NT5DC4: variants seen among roughly 807,000 people sequenced by gnomAD.
NT5DC4 encodes the protein 5'-nucleotidase domain-containing protein 4.
In NT5DC4, 44 loss-of-function variants were observed where a neutral mutation model predicts 26.6. The observed-to-expected ratio is 1.65, with a 90% CI of 1.30 to 2.13. The LOEUF is 2.13. NT5DC4 is among the 30% of genes most tolerant of loss of function. The probability of loss-of-function intolerance (pLI) is 0.00; values close to 1 mark genes in which losing one functional copy is unlikely to be tolerated. For synonymous variants in NT5DC4, 157 were observed against 86.7 expected (o/e 1.81, Z -4.51); for missense variants, 399 against 228.1 (o/e 1.75, Z -4.83).
rs759213110 is a variant in NT5DC4 at position 112,723,174 on chromosome 2, GGTGA to G, written c.621+8_621+11del. 4.2e-6 allele frequency: 3 copies of G among 717,230 alleles called. No homozygotes were observed. In the South Asian group the frequency reaches 4.4e-5, roughly 11 times the overall value. 44.4% of individuals were successfully genotyped at this position (717,230 alleles called of 1,614,324 possible). ...ATGCCATGAATAACATCCACCAGTC[GGTGA>G]GTGAGTGGTCCAGAACCCCCGGACC... is the stretch of plus-strand genomic sequence containing the variant. On this transcript the variant is annotated splice_donor_variant and splice_donor_region_variant and intron_variant, in intron 7 of 16. Transcript: ENST00000688554. LOFTEE classifies it high-confidence loss of function.
At chr2:112,719,062 G>A (rs950213674), upstream of NT5DC4, among the ~76,000 whole-genome samples, 1 of 152,228 alleles carries the variant, frequency 6.6e-6, no homozygotes, top group African/African-American at 2.4e-5. Flanking sequence ...CGTGTCATTA[G>A]TCGATTTCAC....
At chr2:112,738,385 T>C (rs989093538) in intron 16 of NT5DC4, 2 of 162,106 alleles carry the variant, frequency 1.2e-5, no homozygotes, top group Non-Finnish European at 2.7e-5. Flanking sequence ...GACTTGGCCA[T>C]CTGTCAAGGT....
intron 10 of NT5DC4, 96 bp from the exon 11 acceptor site, chr2:112,724,685 G>C: frequency 1.5e-6 from 1 of 678,652 alleles, no homozygotes; most frequent in Non-Finnish European, 2.7e-6. Flanking sequence ...CCAGCTGGGA[G>C]GTTGGTGGGG....
intron 16 of NT5DC4, chr2:112,736,520 C>T (rs1033674384): frequency 2.6e-5 from 4 of 152,180 alleles, no homozygotes; most frequent in African/African-American, 9.7e-5. Flanking sequence ...ATCCCTAATA[C>T]AATTGTATTA....
At chr2:112,726,370 C>A in intron 14 of NT5DC4, 81 bp downstream of exon 14, 1 of 710,312 alleles carries the variant, frequency 1.4e-6, no homozygotes, top group Non-Finnish European at 2.6e-6. Context: ...TGCCTGGCGG[C>A]GAGGTCCCGG....
chr2:112,722,864 G>A, intron 6 of NT5DC4, 93 bp downstream of exon 6: 1 of 321,340 alleles, frequency 3.1e-6, no homozygotes, highest in Non-Finnish European at 6.6e-6. Context: ...GGCTCCCCAA[G>A]AGGCTGGAAG....
chr2:112,723,617 G>A, intron 8 of NT5DC4, 102 bp from the exon 9 acceptor site: 1 of 684,434 alleles, frequency 1.5e-6, no homozygotes, highest in Non-Finnish European at 2.7e-6. Context: ...GTGCCTACCT[G>A]CCTGGGCTGG....
chr2:112,739,066 A>G lies in NT5DC4; in HGVS notation c.*130A>G. 1 of 1,569,978 alleles carries G rather than the reference A, an allele frequency of 6.4e-7. No individual in the cohort carries two copies. The highest frequency in any genetic ancestry group is 8.8e-7 in the Non-Finnish European group (1 of 1,141,990). On this transcript the variant is annotated 3_prime_UTR_variant, in exon 17 of 17. Transcript: ENST00000688554. Reference sequence around the variant, plus strand: ...CATTTATTCTGAGAGACAGCAAGAGATGCATTAAAAACCTTATCATTTAAA... The same window carrying G: ...CATTTATTCTGAGAGACAGCAAGAGGTGCATTAAAAACCTTATCATTTAAA...
At chr2:112,741,807 C>T (rs1385182337), downstream of NT5DC4, among the ~76,000 whole-genome samples, 1 of 152,056 alleles carries the variant, frequency 6.6e-6, no homozygotes, top group Non-Finnish European at 1.5e-5. Flanking sequence ...GTTGTCCAGG[C>T]TGGAGTGCAG....
In NT5DC4 at chr2:112,730,973, T is replaced by C. The variant is rs1396638840; in HGVS notation, c.1344+1269T>C. ...TTGATCCCTCTATATCCTCACCCCATCAGGATCCAGCCTAGGGCATTTTGA... is the reference window on the plus strand; with the variant it reads ...TTGATCCCTCTATATCCTCACCCCACCAGGATCCAGCCTAGGGCATTTTGA... On this transcript the variant is annotated intron_variant, in intron 16 of 16. Transcript: ENST00000688554. The C allele has an allele frequency of 2.0e-5, 3 of 152,176 alleles. No homozygotes were observed. The East Asian group carries it at 5.8e-4, about 29-fold the overall frequency. 9.4% of individuals were successfully genotyped at this position (152,176 alleles called of 1,614,324 possible).
chr2:112,733,761 G>A (rs1678747697), intron 16 of NT5DC4, among the ~76,000 whole-genome samples: 1 of 152,190 alleles, frequency 6.6e-6, no homozygotes, highest in African/African-American at 2.4e-5. Context: ...CCTCATTCTG[G>A]CATCGTCTTG....
Position 112,722,057 on chromosome 2 carries a change from C to T in NT5DC4, c.220C>T (p.Pro74Ser), listed in dbSNP as rs980801625. The T allele has an allele frequency of 4.2e-6, 3 of 717,024 alleles. No individual in the cohort carries two copies. Among genetic ancestry groups the T allele is most frequent in the African/African-American group, 3.5e-5 (2 of 57,220 alleles). 44.4% of individuals were successfully genotyped at this position (717,024 alleles called of 1,614,324 possible). A position where few individuals can be genotyped will look rare whatever the true frequency, so the allele number is the denominator to read the frequency against. ...GGAGCGCCTGGTGTGCATTGGGTAC[C>T]CGCATGAGATCCTGCGCTACACCTA... ...LLERLVCIGYPHEILRYTYDP... is the reference protein window; with the variant it reads ...LLERLVCIGYSHEILRYTYDP... The change falls in exon 3 of 17, where the codon CCG becomes TCG. Residue 74 changes from proline (P) to serine (S), a missense_variant. Physicochemically the swap from Pro to Ser is moderately conservative, Grantham distance 74. Transcript: ENST00000688554.
chr2:112,735,038 ATTTTTT>A (rs70965024), intron 16 of NT5DC4, among the ~76,000 whole-genome samples: 14 of 94,480 alleles, frequency 1.5e-4, no homozygotes, highest in African/African-American at 3.4e-4. Flanking sequence ...AGGCAAGAAC[ATTTTTT>A]TTTTTTTTTT....
upstream of NT5DC4, among the ~76,000 whole-genome samples, chr2:112,719,736 G>A (rs1330789604): frequency 1.3e-5 from 2 of 151,670 alleles, no homozygotes; most frequent in East Asian, 3.9e-4. Flanking sequence ...TGCCCGCCTT[G>A]GCCTCCCAAA....
At chr2:112,738,809 A>T (rs1438539090) in intron 16 of NT5DC4, 104 bp from the exon 17 acceptor site, 1 of 1,544,268 alleles carries the variant, frequency 6.5e-7, no homozygotes. Flanking sequence ...TTTTTTAAAA[A>T]AAGCATCAAG....
At chr2:112,738,675 TGA>T (rs1679570020) in intron 16 of NT5DC4, 2 of 620,816 alleles carry the variant, frequency 3.2e-6, no homozygotes, top group Non-Finnish European at 5.7e-6. Context: ...AGAGAAAATT[TGA>T]GAGTAAGCCC....
intron 15 of NT5DC4, among the ~76,000 whole-genome samples, chr2:112,727,805 A>G (rs1677940250): frequency 8.1e-6 from 1 of 123,682 alleles, no homozygotes; most frequent in Non-Finnish European, 1.8e-5. Context: ...CCAGAGGGTC[A>G]CCCAGGAGCT....
At chr2:112,727,863 G>C (rs902572154) in intron 15 of NT5DC4, among the ~76,000 whole-genome samples, 1 of 152,180 alleles carries the variant, frequency 6.6e-6, no homozygotes, top group South Asian at 2.1e-4. Context: ...TGCGGTTTCC[G>C]CCAGACACTC....
chr2:112,742,272 C>T, downstream of NT5DC4: 1 of 671,078 alleles, frequency 1.5e-6, no homozygotes, highest in Non-Finnish European at 2.8e-6. Flanking sequence ...AAGGTTATGA[C>T]CACTGACAGT....
Sources: gnomAD v4.1 joint callset for allele counts (sites outside exome capture counted in the v4.1 genomes callset) on GRCh38, gnomAD v4.1.1 for gene constraint, MANE v1.5 for transcripts, NCBI Gene and HGNC (gene_info 2026-07-23, HGNC 2026-07-21) for gene names.